The following ANKMY1 variants were observed in gnomAD, a reference collection of about 807,000 sequenced individuals.
The protein encoded by ANKMY1 is ankyrin repeat and MYND domain-containing protein 1.
In ANKMY1, 98 loss-of-function variants were observed where a neutral mutation model predicts 102.0. That is an observed-to-expected ratio of 0.96 (90% CI 0.82 to 1.14). The LOEUF (loss-of-function observed/expected upper bound fraction) is 1.14, where lower values mean the gene tolerates loss of function less well. Among genes scored for constraint, ANKMY1 ranks in the 50% most tolerant of loss-of-function variants. The pLI, the probability that ANKMY1 is intolerant of heterozygous loss-of-function variation, is 0.00. For synonymous variants in ANKMY1, 582 were observed against 559.9 expected, an observed-to-expected ratio of 1.04 and a Z score of -0.56; for missense variants, 1,330 against 1,347.6, an observed-to-expected ratio of 0.99 and a Z score of 0.20.
Position 240,511,933 on chromosome 2 carries a change from C to T in ANKMY1, c.2214G>A (p.Thr738=), listed in dbSNP as rs10427348. 254,706 of 1,576,426 alleles carry T rather than the reference C, an allele frequency of 0.16. 22,075 individuals are homozygous for T. Among genetic ancestry groups the T allele is most frequent in the Non-Finnish European group, 0.18 (212,064 of 1,168,004 alleles). The change falls in exon 11 of 18, where the codon ACG becomes ACA. Residue 738 remains threonine (T), a synonymous_variant. Transcript: ENST00000401804. ...CCCCCTCCTCCGGGAGGGCTGTGTC[C>T]GTGCTGTAGTAGGCTTGGGGAGGGC... ...EPGPPQAYYS[T]DTALPEEGGR... is the part of the protein sequence containing the mutation.
chr2:240,506,250 G>A lies in ANKMY1; in HGVS notation c.2526+1310C>T, dbSNP rs373142616. 2.0e-5 allele frequency among the ~76,000 whole-genome samples: 3 copies of A among 152,196 alleles called. No homozygotes were observed. Among genetic ancestry groups the A allele is most frequent in the South Asian group, 2.1e-4 (1 of 4,834 alleles). ...CGCTGCCCCCTGAGCTGCCTCTCCCGTCTCGCGTCCTTTCTCTATTTACTC... is the reference window on the plus strand; with the variant it reads ...CGCTGCCCCCTGAGCTGCCTCTCCCATCTCGCGTCCTTTCTCTATTTACTC... On this transcript the variant is annotated intron_variant, in intron 13 of 17. Coordinates refer to ENST00000401804, the MANE Select transcript of ANKMY1 (RefSeq NM_001282771.3). This position sits in a 1 kb window ranked among gnomAD's most constrained non-coding sequence, Gnocchi z 4.9.
chr2:240,510,643 T>A (rs2079994963), intron 11 of ANKMY1, among the ~76,000 whole-genome samples: 1 of 152,132 alleles, frequency 6.6e-6, no homozygotes, highest in South Asian at 2.1e-4. Context: ...GCAGTCTTGC[T>A]GGCCAGGCCA....
At chr2:240,513,644 G>A (rs528575067) in intron 9 of ANKMY1, among the ~76,000 whole-genome samples, 21 of 152,366 alleles carry the variant, frequency 1.4e-4, no homozygotes, top group African/African-American at 4.6e-4. Context: ...GGAACTTGGG[G>A]AGAGCAGCCG....
intron 15 of ANKMY1, among the ~76,000 whole-genome samples, chr2:240,486,268 CTA>C (rs2076048601): frequency 6.6e-6 from 1 of 152,088 alleles, no homozygotes; most frequent in South Asian, 2.1e-4. Flanking sequence ...TAATACATTT[CTA>C]TATGTTACAG....
At chr2:240,486,885 TTTATTATTATTTACACAAATATTA>T (rs1553558374) in intron 15 of ANKMY1, among the ~76,000 whole-genome samples, 1 of 152,130 alleles carries the variant, frequency 6.6e-6, no homozygotes, top group Non-Finnish European at 1.5e-5. Flanking sequence ...ATTGCATCCT[TTTATTATTATTTACACAAATATTA>T]TTATTATTAT....
chr2:240,532,039 A>G (rs1468679909), intron 4 of ANKMY1: 3 of 458,328 alleles, frequency 6.5e-6, no homozygotes, highest in Non-Finnish European at 1.4e-5. Flanking sequence ...CAATTCGAGT[A>G]CCAGAGAGAG....
At chr2:240,544,633 G>A (rs533309941) in intron 4 of ANKMY1, among the ~76,000 whole-genome samples, 1 of 152,328 alleles carries the variant, frequency 6.6e-6, no homozygotes, top group Admixed American at 6.5e-5. Flanking sequence ...GACAGTGGGC[G>A]CAGGTCAGTG....
In ANKMY1 at chr2:240,534,164, T is replaced by C. The variant is rs535610696; in HGVS notation, c.481-4655A>G. On this transcript the variant is annotated intron_variant, in intron 4 of 17. Transcript: ENST00000401804. ...ATAAGGCTTGATGCTATCCACAGTT[T>C]CAGGCATCCACTGGAGCTTATCCAC... 3.5e-4 allele frequency among the ~76,000 whole-genome samples: 54 copies of C among 152,318 alleles called. 2 individuals carry two copies. The South Asian group carries it at 9.5e-3, about 27-fold the overall frequency.
intron 4 of ANKMY1, among the ~76,000 whole-genome samples, chr2:240,533,145 G>A (rs541404832): frequency 6.6e-6 from 1 of 152,332 alleles, no homozygotes; most frequent in East Asian, 1.9e-4. Context: ...AGTGTATCAA[G>A]AATGCATGCT....
At chr2:240,504,173 A>T (rs1275680392) in intron 13 of ANKMY1, among the ~76,000 whole-genome samples, 1 of 152,222 alleles carries the variant, frequency 6.6e-6, no homozygotes, top group Non-Finnish European at 1.5e-5. Context: ...TGGGAGATGG[A>T]GGCTTCGCCA....
At chr2:240,502,208 C>A (rs6755083) in intron 13 of ANKMY1, among the ~76,000 whole-genome samples, 16,907 of 149,374 alleles carry the variant, frequency 0.11, 1,020 homozygotes, top group African/African-American at 0.14. Context: ...GGCACCCAGG[C>A]CTCACTCAGT....
chr2:240,481,406 C>A (rs569888951), intron 16 of ANKMY1, among the ~76,000 whole-genome samples: 5 of 152,342 alleles, frequency 3.3e-5, no homozygotes, highest in African/African-American at 1.2e-4. Flanking sequence ...TGGGGCCACA[C>A]ACACGATGGT....
chr2:240,479,341 G>C (rs995439867), downstream of ANKMY1: 34 of 542,872 alleles, frequency 6.3e-5, no homozygotes, highest in African/African-American at 5.3e-4. Context: ...GGCCAAGCAA[G>C]ATCAAAGCCA....
intron 15 of ANKMY1, among the ~76,000 whole-genome samples, chr2:240,484,554 A>G (rs2075822469): frequency 6.6e-6 from 1 of 152,166 alleles, no homozygotes. Flanking sequence ...AAATTAACTC[A>G]AGATGGATTA....
intron 15 of ANKMY1, among the ~76,000 whole-genome samples, chr2:240,497,303 A>G (rs904896958): frequency 3.3e-5 from 5 of 152,258 alleles, no homozygotes; most frequent in Non-Finnish European, 7.3e-5. Context: ...TTGGAAGCAC[A>G]GTAAGTCTGA....
At position 240,482,240 on chromosome 2, in the gene ANKMY1, C is replaced by T; in HGVS notation, c.2828G>A (p.Arg943Lys). 1 of 1,612,914 alleles carries T rather than the reference C, an allele frequency of 6.2e-7. No homozygotes were observed. Among genetic ancestry groups the T allele is most frequent in the Non-Finnish European group, 8.5e-7 (1 of 1,179,466 alleles). The change falls in exon 16 of 18, where the codon AGG (arginine) becomes AAG (lysine). Residue 943 changes from arginine (R) to lysine (K), a missense_variant. Coordinates refer to ENST00000401804, the MANE Select transcript of ANKMY1 (RefSeq NM_001282771.3). Reference protein sequence around the residue: ...CKRAELIPSHRMKKKGPSLPR... With the variant: ...CKRAELIPSHKMKKKGPSLPR... ...CAGGCTGGGGCCCTTCTTCTTCATC[C>T]TGTGGCTGGGGATCAGCTCCGCTGC...
chr2:240,557,363 C>A lies in ANKMY1; in HGVS notation c.-17-11G>T. 6.8e-7 allele frequency: 1 copy of A among 1,476,004 alleles called. No individual in the cohort carries two copies. The allele number at this position is 1,476,004 out of a possible 1,614,324, so 91.4% of individuals were successfully genotyped here. A position where few individuals can be genotyped will look rare whatever the true frequency, so the allele number is the denominator to read the frequency against. ...CTGTGGTCTTCCAACCTGCAAGCGA[C>A]GTCAGGACCGCACATGTGCCCCCAG... On this transcript the variant is annotated splice_polypyrimidine_tract_variant and intron_variant, in intron 1 of 17. Transcript: ENST00000401804.
intron 5 of ANKMY1, chr2:240,526,799 A>C: frequency 1.6e-6 from 2 of 1,213,964 alleles, no homozygotes; most frequent in Non-Finnish European, 1.0e-6. Flanking sequence ...AGACCAACAT[A>C]CATGTGGTTC....
chr2:240,560,989 A>C (rs1306753915), upstream of ANKMY1: 2 of 1,543,824 alleles, frequency 1.3e-6, no homozygotes, highest in South Asian at 1.2e-5. Flanking sequence ...TGCCTAGTCT[A>C]CTGCAAGAAC....
Sources: allele counts gnomAD v4.1 joint callset (sites outside exome capture counted in the v4.1 genomes callset), GRCh38; gene constraint gnomAD v4.1.1; non-coding constraint Gnocchi (gnomAD v3.1); transcripts MANE v1.5; gene names NCBI Gene and HGNC (gene_info 2026-07-23, HGNC 2026-07-21).